Variants in AP1M2 observed in about 807,000 individuals in gnomAD.
AP1M2 encodes AP-1 complex subunit mu-2.
AP1M2 carries 41 observed loss-of-function variants against 54.6 expected under a neutral mutation model. The ratio of observed to expected loss-of-function variants is 0.75; its 90% CI spans 0.59 to 0.97. The LOEUF (loss-of-function observed/expected upper bound fraction) is 0.97. AP1M2 is among the 50% of genes least tolerant of loss of function. The pLI, the probability that AP1M2 is intolerant of heterozygous loss-of-function variation, is 0.00. For missense variants in AP1M2, 507 were observed against 561.2 expected (o/e 0.90, Z 0.98); for synonymous variants, 219 against 215.9 (o/e 1.01, Z -0.13).
At chr19:10,581,428 A>T (rs1917451999) in intron 5 of AP1M2, 36 bp from the exon 6 acceptor site, 1 of 1,610,250 alleles carries the variant, frequency 6.2e-7, no homozygotes. Context: ...AGCAGGCATC[A>T]AACTCCGTCT....
At chr19:10,578,332 T>C (rs1270029685) in intron 8 of AP1M2, among the ~76,000 whole-genome samples, 3 of 151,932 alleles carry the variant, frequency 2.0e-5, no homozygotes, top group South Asian at 2.1e-4. Flanking sequence ...CTTGGGGAGA[T>C]GGAGGCAGGC....
chr19:10,579,273 G>A (rs1264283014), intron 7 of AP1M2, among the ~76,000 whole-genome samples: 2 of 151,802 alleles, frequency 1.3e-5, no homozygotes, highest in African/African-American at 2.4e-5. Flanking sequence ...AAAATTAGCT[G>A]GACACGGTGG....
Position 10,586,270 on chromosome 19 carries a change from G to A in AP1M2, c.42+920C>T, listed in dbSNP as rs144720344. Among the ~76,000 whole-genome samples the A allele has an allele frequency of 1.6e-3, 232 of 141,474 alleles. 7 individuals carry two copies. In the East Asian group the frequency reaches 0.036, roughly 22 times the overall value. 92.8% of individuals were successfully genotyped at this position (141,474 alleles called of 152,430 possible). On this transcript the variant is annotated intron_variant, in intron 1 of 11. Transcript: ENST00000250244. The stretch of plus-strand genomic sequence containing the variant: ...TGCACTCCAGCCTGGGTGACAAGGC[G>A]AGACTCTGTCTTGAAAAAAAAAAAA...
intron 7 of AP1M2, 68 bp from the exon 8 acceptor site, chr19:10,579,031 T>TC: frequency 3.9e-6 from 5 of 1,278,556 alleles, no homozygotes; most frequent in Non-Finnish European, 5.4e-6. Flanking sequence ...TTTTTTTTTT[T>TC]TTTCTTTCTT....
intron 1 of AP1M2, among the ~76,000 whole-genome samples, chr19:10,585,278 A>AAGAAG (rs1568434668): frequency 0.059 from 1,995 of 33,998 alleles, 108 homozygotes; most frequent in East Asian, 0.089. Flanking sequence ...GAAAGAAAGA[A>AAGAAG]GAAAAAAAGA....
chr19:10,583,347 A>C (rs1917524772), intron 3 of AP1M2, among the ~76,000 whole-genome samples: 1 of 151,954 alleles, frequency 6.6e-6, no homozygotes, highest in Admixed American at 6.6e-5. Context: ...ACAGAGACTC[A>C]AACAAGGCCC....
chr19:10,583,131 C>CT (rs111410947), intron 3 of AP1M2, among the ~76,000 whole-genome samples: 37,653 of 147,110 alleles, frequency 0.26, 5,659 homozygotes, highest in East Asian at 0.66. Context: ...TGGCCTTTTT[C>CT]TTTTTTTTTT....
chr19:10,580,606 T>G (rs554402000), intron 6 of AP1M2, among the ~76,000 whole-genome samples: 10 of 152,208 alleles, frequency 6.6e-5, no homozygotes, highest in African/African-American at 2.4e-4. Context: ...GAGGTTGCAG[T>G]GAGCTGAGAT....
chr19:10,577,058 A>T (rs1323758677), intron 9 of AP1M2, 140 bp downstream of exon 9: 1 of 924,432 alleles, frequency 1.1e-6, no homozygotes, highest in African/African-American at 1.6e-5. Flanking sequence ...CTCTCAAAGT[A>T]CTGGCATTCC....
chr19:10,582,014 G>T, intron 3 of AP1M2, 136 bp from the exon 4 acceptor site: 1 of 971,992 alleles, frequency 1.0e-6, no homozygotes, highest in Non-Finnish European at 1.5e-6. Flanking sequence ...GACCAGCCTG[G>T]GCAATATAGT....
At position 10,587,190 on chromosome 19, in the gene AP1M2, C is replaced by G; in HGVS notation, c.42G>C (p.Lys14Asn). The G allele has an allele frequency of 6.4e-7, 1 of 1,557,798 alleles. No homozygotes were observed. Among genetic ancestry groups the G allele is most frequent in the East Asian group, 2.4e-5 (1 of 41,378 alleles). Reference protein sequence around the residue: ...SAVFILDVKGKPLISRNYKGD... With the variant: ...SAVFILDVKGNPLISRNYKGD... ...CCCAACTCCTCATGCCCAGCCTCACCTTGCCCTTAACGTCCAGAATGAAGA... is the reference window on the plus strand; with the variant it reads ...CCCAACTCCTCATGCCCAGCCTCACGTTGCCCTTAACGTCCAGAATGAAGA... The change falls in exon 1 of 12, where the codon AAG (lysine) becomes AAC (asparagine). Residue 14 changes from lysine (K) to asparagine (N), a missense_variant and splice_region_variant. Lys to Asn is a moderately conservative substitution (Grantham distance 94). Transcript: ENST00000250244.
At chr19:10,577,812 C>T (rs932181673) in intron 8 of AP1M2, among the ~76,000 whole-genome samples, 1 of 150,848 alleles carries the variant, frequency 6.6e-6, no homozygotes, top group East Asian at 2.0e-4. Context: ...TCTCCGCTCA[C>T]GGCAACCTCC....
chr19:10,581,884 G>A lies in AP1M2; in HGVS notation c.268-6C>T. 6.3e-7 allele frequency: 1 copy of A among 1,594,586 alleles called. No individual in the cohort carries two copies. The highest frequency in any genetic ancestry group is 8.5e-7 in the Non-Finnish European group (1 of 1,170,128). The stretch of plus-strand genomic sequence containing the variant: ...TTGAAGTATTCGCAGAATACCTGGG[G>A]GTTGGAGGAGAGAGAGACCCACAAA... On this transcript the variant is annotated splice_region_variant and splice_polypyrimidine_tract_variant and intron_variant, in intron 3 of 11. Coordinates refer to ENST00000250244, the MANE Select transcript of AP1M2 (RefSeq NM_005498.5).
At chr19:10,584,302 T>C (rs1237758810) in intron 1 of AP1M2, among the ~76,000 whole-genome samples, 3 of 152,176 alleles carry the variant, frequency 2.0e-5, no homozygotes, top group African/African-American at 7.2e-5. Context: ...AGGCGATGGC[T>C]GGACGCAGTG....
chr19:10,579,015 CT>C (rs749676329), intron 7 of AP1M2, 52 bp from the exon 8 acceptor site: 192,954 of 735,688 alleles, frequency 0.26, 3,153 homozygotes, highest in East Asian at 0.42. Flanking sequence ...TGACTCTCTT[CT>C]TTTTTTTTTT....
chr19:10,577,519 C>T (rs2144758334), intron 8 of AP1M2, among the ~76,000 whole-genome samples, 163 bp from the exon 9 acceptor site: 1 of 143,786 alleles, frequency 7.0e-6, no homozygotes, highest in South Asian at 2.2e-4. Context: ...CTGTAAGCTC[C>T]GCCTCCCAGG....
chr19:10,581,582 G>T lies in AP1M2; in HGVS notation c.451C>A (p.Pro151Thr), dbSNP rs375907948. 5 of 1,613,818 alleles carry T rather than the reference G, an allele frequency of 3.1e-6. No individual in the cohort carries two copies. In the African/African-American group the frequency reaches 5.3e-5, roughly 17 times the overall value. ...CAGGACACAGCGTTGGTGACAGTGG[G>T]TGGCACCCGTGACTTGCCCGTCTCC... Reference protein sequence around the residue: ...KLETGKSRVPPTVTNAVSWRS... With the variant: ...KLETGKSRVPTTVTNAVSWRS... Residue 151 changes from proline to threonine, a missense_variant, in exon 5 of 12, where the codon CCC becomes ACC. Transcript: ENST00000250244.
intron 11 of AP1M2, among the ~76,000 whole-genome samples, chr19:10,573,935 A>G (rs1460943552): frequency 1.3e-5 from 2 of 152,030 alleles, no homozygotes; most frequent in Non-Finnish European, 1.5e-5. Flanking sequence ...TGCTGGAATT[A>G]CAGATGTGAG....
In AP1M2 at chr19:10,573,010, T is replaced by C. The variant is rs1469860244; in HGVS notation, c.*56A>G. 28 of 1,538,014 alleles carry C rather than the reference T, an allele frequency of 1.8e-5. No individual in the cohort carries two copies. The highest frequency in any genetic ancestry group is 2.5e-5 in the Non-Finnish European group (28 of 1,134,132). ...GCCCGCACCTGCCCTCCCTCTAAAA[T>C]CTGCATCCGGGGCTGTAAGGAAGCC... On this transcript the variant is annotated 3_prime_UTR_variant, in exon 12 of 12. Transcript: ENST00000250244.
Sources: gnomAD v4.1 joint callset for allele counts (sites outside exome capture counted in the v4.1 genomes callset) on GRCh38, gnomAD v4.1.1 for gene constraint, MANE v1.5 for transcripts, NCBI Gene and HGNC (gene_info 2026-07-23, HGNC 2026-07-21) for gene names.